The following PCDHGA5 variants were observed in gnomAD, a reference collection of about 807,000 sequenced individuals.
PCDHGA5 encodes the protein protocadherin gamma subfamily A, 5, also known as protocadherin gamma-A5.
A neutral mutation model predicts 56.7 loss-of-function variants in PCDHGA5; 36 were observed. The ratio of observed to expected loss-of-function variants is 0.64; its 90% CI spans 0.49 to 0.84. The LOEUF (loss-of-function observed/expected upper bound fraction) is 0.84. Among genes scored for constraint, PCDHGA5 ranks in the 40% least tolerant of loss-of-function variants. The pLI is 0.00. For missense variants in PCDHGA5, 1,305 were observed against 1,201.5 expected (o/e 1.09, Z -1.27); for synonymous variants, 563 against 520.2 (o/e 1.08, Z -1.12).
Position 141,500,251 on chromosome 5 carries a change from C to T in PCDHGA5, c.2481-5142C>T, listed in dbSNP as rs187199142. Among the ~76,000 whole-genome samples, 1,493 of 151,438 alleles carry T rather than the reference C, an allele frequency of 9.9e-3. 32 individuals are homozygous for T. Among genetic ancestry groups the T allele is most frequent in the African/African-American group, 0.035 (1,426 of 41,214 alleles). Reference sequence around the variant, plus strand: ...TGATACGTAGCCTTGCTCTGTCACCCAGGCTGGACTGCAGTGGCGCAATCT... The same window carrying T: ...TGATACGTAGCCTTGCTCTGTCACCTAGGCTGGACTGCAGTGGCGCAATCT... On this transcript the variant is annotated intron_variant, in intron 2 of 3. Coordinates refer to ENST00000518069, the MANE Select transcript of PCDHGA5 (RefSeq NM_018918.3).
chr5:141,462,198 G>C (rs2099034283), intron 1 of PCDHGA5, among the ~76,000 whole-genome samples: 1 of 152,182 alleles, frequency 6.6e-6, no homozygotes, highest in Non-Finnish European at 1.5e-5. Context: ...GACCTCAGGT[G>C]ATCCGCCTGC....
rs749095017 is a variant in PCDHGA5, at chr5:141,489,455, G to A, written c.2422-5352G>A. 1 of 1,614,042 alleles carries A rather than the reference G, an allele frequency of 6.2e-7. No homozygotes were observed. ...CTGCAATTGGGCTCTGAGGAGAATGGGCGCTATTTTTCCCTGAGCTTGATG... is the reference window on the plus strand; with the variant it reads ...CTGCAATTGGGCTCTGAGGAGAATGAGCGCTATTTTTCCCTGAGCTTGATG... On this transcript the variant is annotated intron_variant, in intron 1 of 3. Coordinates refer to ENST00000518069, the MANE Select transcript of PCDHGA5 (RefSeq NM_018918.3). This position sits in a 1 kb window ranked among gnomAD's most constrained non-coding sequence, Gnocchi z 4.5.
intron 1 of PCDHGA5, among the ~76,000 whole-genome samples, chr5:141,429,720 A>G (rs571388976): frequency 6.6e-6 from 1 of 152,340 alleles, no homozygotes; most frequent in South Asian, 2.1e-4. Context: ...TACGCTCATG[A>G]AAGTACGTAG....
intron 1 of PCDHGA5, chr5:141,393,595 T>C: frequency 6.2e-7 from 1 of 1,613,866 alleles, no homozygotes; most frequent in Non-Finnish European, 8.5e-7. Context: ...GGCACGCGGC[T>C]GCTTACTGTA....
At chr5:141,421,455 C>T (rs762490406) in intron 1 of PCDHGA5, 7 of 1,614,108 alleles carry the variant, frequency 4.3e-6, no homozygotes, top group Non-Finnish European at 4.2e-6. Flanking sequence ...CACAGCTTTT[C>T]GCTGTGAATC....
In PCDHGA5 at chr5:141,493,550, T is replaced by C. The variant is rs978188511; in HGVS notation, c.2422-1257T>C. On this transcript the variant is annotated intron_variant, in intron 1 of 3. Coordinates refer to ENST00000518069, the MANE Select transcript of PCDHGA5 (RefSeq NM_018918.3). This position sits in a 1 kb window ranked among gnomAD's most constrained non-coding sequence, Gnocchi z 4.3. Reference sequence around the variant, plus strand: ...ACTTGGCCAGTTATCCTTTTGGAGATTGAGTTCCCCCAGCTCCGTTTCCTC... The same window carrying C: ...ACTTGGCCAGTTATCCTTTTGGAGACTGAGTTCCCCCAGCTCCGTTTCCTC... Among the ~76,000 whole-genome samples the C allele has an allele frequency of 1.3e-5, 2 of 152,172 alleles. No homozygotes were observed. The highest frequency in any genetic ancestry group is 2.4e-5 in the African/African-American group (1 of 41,430).
rs776374898 is a variant in PCDHGA5, at chr5:141,414,958, G to A, written c.2421+48207G>A. ...AGAGCCCGGCTACCTGGTGACCAAG[G>A]TGGTGGCGGTGGACAGAGACTCCGG... On this transcript the variant is annotated intron_variant, in intron 1 of 3. Coordinates refer to ENST00000518069, the MANE Select transcript of PCDHGA5 (RefSeq NM_018918.3). The A allele has an allele frequency of 3.7e-6, 6 of 1,614,024 alleles. No homozygotes were observed. The South Asian group carries it at 4.4e-5, about 12-fold the overall frequency.
At chr5:141,501,423 A>C (rs1195105794) in intron 2 of PCDHGA5, among the ~76,000 whole-genome samples, 1 of 151,966 alleles carries the variant, frequency 6.6e-6, no homozygotes, top group Non-Finnish European at 1.5e-5. Flanking sequence ...AGTTGACTAA[A>C]TGTAGTCCAT....
At chr5:141,393,989 T>G in intron 1 of PCDHGA5, 1 of 1,613,634 alleles carries the variant, frequency 6.2e-7, no homozygotes, top group Non-Finnish European at 8.5e-7. Flanking sequence ...ATTTACCTTT[T>G]AAATTAGAAA....
intron 1 of PCDHGA5, chr5:141,400,592 G>A: frequency 3.7e-6 from 6 of 1,603,194 alleles, no homozygotes; most frequent in Non-Finnish European, 5.1e-6. Flanking sequence ...TGAAACTATC[G>A]TACATTTTCA....
At position 141,427,298 on chromosome 5, in the gene PCDHGA5, G is replaced by A. The variant is rs960474831; in HGVS notation, c.2421+60547G>A. The A allele has an allele frequency of 8.8e-6, 4 of 456,870 alleles. No individual in the cohort carries two copies. The Admixed American group carries it at 9.4e-5, about 11-fold the overall frequency. 28.3% of individuals were successfully genotyped at this position (456,870 alleles called of 1,614,324 possible). A position where few individuals can be genotyped will look rare whatever the true frequency, so the allele number is the denominator to read the frequency against. On this transcript the variant is annotated intron_variant, in intron 1 of 3. Coordinates refer to ENST00000518069, the MANE Select transcript of PCDHGA5 (RefSeq NM_018918.3). ...AAATTATACTAGAAATCCTAGATGA[G>A]AATGACAATGCCCCAGACGTGGTTT...
chr5:141,439,716 C>T (rs2098127719), intron 1 of PCDHGA5: 1 of 152,476 alleles, frequency 6.6e-6, no homozygotes, highest in Non-Finnish European at 1.5e-5. Flanking sequence ...CCTAGTTCTA[C>T]AAATTATAAG....
rs542548063 is a variant in PCDHGA5, at chr5:141,412,999, C to T, written c.2421+46248C>T. On this transcript the variant is annotated intron_variant, in intron 1 of 3. Coordinates refer to ENST00000518069, the MANE Select transcript of PCDHGA5 (RefSeq NM_018918.3). Reference sequence around the variant, plus strand: ...GCAGCCAGAGCTCAATCCGGATTCTCAGGGCTTCAACTACACAAGCCCCAC... The same window carrying T: ...GCAGCCAGAGCTCAATCCGGATTCTTAGGGCTTCAACTACACAAGCCCCAC... 150 of 588,234 alleles carry T rather than the reference C, an allele frequency of 2.6e-4. 1 individual carries two copies. In the South Asian group the frequency reaches 3.6e-3, roughly 14 times the overall value. 36.4% of individuals were successfully genotyped at this position (588,234 alleles called of 1,614,324 possible). A position where few individuals can be genotyped will look rare whatever the true frequency, so the allele number is the denominator to read the frequency against.
Position 141,505,441 on chromosome 5 carries a change from C to A in PCDHGA5, c.2529C>A (p.Asp843Glu), listed in dbSNP as rs2099846055. 6.2e-7 allele frequency: 1 copy of A among 1,614,084 alleles called. No individual in the cohort carries two copies. Among genetic ancestry groups the A allele is most frequent in the Non-Finnish European group, 8.5e-7 (1 of 1,180,024 alleles). Reference sequence around the variant, plus strand: ...GCACCTGGCCCAACAACCAGTTTGACACAGAGATGCTGCAAGCCATGATCT... The same window carrying A: ...GCACCTGGCCCAACAACCAGTTTGAAACAGAGATGCTGCAAGCCATGATCT... ...DTGTWPNNQFDTEMLQAMILA... is the reference protein window; with the variant it reads ...DTGTWPNNQFETEMLQAMILA... Residue 843 changes from aspartate to glutamate, a missense_variant, in exon 3 of 4, where the codon GAC becomes GAA. Transcript: ENST00000518069.
chr5:141,422,243 T>C, intron 1 of PCDHGA5: 12 of 1,566,082 alleles, frequency 7.7e-6, no homozygotes, highest in Non-Finnish European at 1.0e-5. Flanking sequence ...ATCACTGTTG[T>C]GGATGTGAAT....
At chr5:141,402,124 A>G (rs150020541) in intron 1 of PCDHGA5, among the ~76,000 whole-genome samples, 1 of 152,254 alleles carries the variant, frequency 6.6e-6, no homozygotes, top group East Asian at 1.9e-4. Flanking sequence ...AAAATTTCCA[A>G]CTTTAATCCT....
At chr5:141,388,597 A>G (rs1277451358) in intron 1 of PCDHGA5, 1 of 1,613,752 alleles carries the variant, frequency 6.2e-7, no homozygotes, top group Non-Finnish European at 8.5e-7. Context: ...GCCAATGATA[A>G]TGCTCCAGTG....
At chr5:141,413,331 C>T (rs1300057166) in intron 1 of PCDHGA5, 1 of 1,613,992 alleles carries the variant, frequency 6.2e-7, no homozygotes, top group Admixed American at 1.7e-5. Context: ...TGGGCAACAT[C>T]TCCAAGGACT....
rs2097419057 is a variant in PCDHGA5 at position 141,431,807 on chromosome 5, A to G, written c.2422-63000A>G. 4 of 1,614,050 alleles carry G rather than the reference A, an allele frequency of 2.5e-6. No individual in the cohort carries two copies. Among genetic ancestry groups the G allele is most frequent in the Non-Finnish European group, 2.5e-6 (3 of 1,180,038 alleles). On this transcript the variant is annotated intron_variant, in intron 1 of 3. Coordinates refer to ENST00000518069, the MANE Select transcript of PCDHGA5 (RefSeq NM_018918.3). This position sits in a 1 kb window ranked among gnomAD's most constrained non-coding sequence, Gnocchi z 4.8. ...CGACAATGCCCCAGAAGTGGTCCTC[A>G]CCTCTCTCGCCAGCTCGGTTCCCGA... is the stretch of plus-strand genomic sequence containing the variant.
Sources: gnomAD v4.1 joint callset for allele counts (sites outside exome capture counted in the v4.1 genomes callset) on GRCh38, gnomAD v4.1.1 for gene constraint, Gnocchi (gnomAD v3.1) non-coding constraint, MANE v1.5 for transcripts, NCBI Gene and HGNC (gene_info 2026-07-23, HGNC 2026-07-21) for gene names.